The following ZNF652 variants were observed in gnomAD, a reference collection of about 807,000 sequenced individuals.
ZNF652 encodes the protein zinc finger protein 652.
Under a neutral mutation model 45.2 loss-of-function variants are expected in ZNF652, and 16 were observed. That is an observed-to-expected ratio of 0.35 (90% CI 0.24 to 0.54). The LOEUF (loss-of-function observed/expected upper bound fraction) is 0.54. Ranked by LOEUF, ZNF652 falls within the 20% of genes least tolerant of loss-of-function variation. ZNF652 has a pLI of 0.91. For missense variants in ZNF652, 614 were observed against 765.6 expected (o/e 0.80, Z 2.34); for synonymous variants, 250 against 260.6 (o/e 0.96, Z 0.39).
At chr17:49,307,808 T>C (rs533362193) in intron 5 of ZNF652, among the ~76,000 whole-genome samples, 1 of 152,206 alleles carries the variant, frequency 6.6e-6, no homozygotes, top group East Asian at 1.9e-4. Context: ...GTTGCAAAGG[T>C]TACATTAATT....
At chr17:49,321,422 C>CTT (rs11350404) in intron 1 of ZNF652, among the ~76,000 whole-genome samples, 1,060 of 73,262 alleles carry the variant, frequency 0.014, 43 homozygotes, top group South Asian at 0.029. Context: ...CACCACCACG[C>CTT]TTTTTTTTTT....
At chr17:49,311,789 G>A (rs1464858140) in intron 4 of ZNF652, 138 bp downstream of exon 4, 4 of 678,494 alleles carry the variant, frequency 5.9e-6, no homozygotes, top group Non-Finnish European at 1.0e-5. Context: ...AGCGCACACA[G>A]AGCTCAGAAC....
rs2069492016 is a variant in ZNF652, at chr17:49,297,507, T to C, written c.*906A>G. Reference sequence around the variant, plus strand: ...CAGAACATGGAGGACAGGAGCACATTAGGGAGCCTCTCTTGAGTGTTAAGC... The same window carrying C: ...CAGAACATGGAGGACAGGAGCACATCAGGGAGCCTCTCTTGAGTGTTAAGC... On this transcript the variant is annotated 3_prime_UTR_variant, in exon 6 of 6. Transcript: ENST00000430262. 2 of 152,494 alleles carry C rather than the reference T, an allele frequency of 1.3e-5. No homozygotes were observed. Among genetic ancestry groups the C allele is most frequent in the African/African-American group, 4.8e-5 (2 of 41,434 alleles). The allele number at this position is 152,494 out of a possible 1,614,324, so 9.4% of individuals were successfully genotyped here. A position where few individuals can be genotyped will look rare whatever the true frequency, so the allele number is the denominator to read the frequency against.
At chr17:49,310,681 C>A (rs1294517972) in intron 5 of ZNF652, among the ~76,000 whole-genome samples, 2 of 152,136 alleles carry the variant, frequency 1.3e-5, no homozygotes, top group Non-Finnish European at 2.9e-5. Context: ...GCAGGCAGAT[C>A]GCTTGAGCCC....
intron 2 of ZNF652, among the ~76,000 whole-genome samples, chr17:49,315,179 TTA>T (rs1393850023): frequency 6.6e-6 from 1 of 151,848 alleles, no homozygotes; most frequent in Non-Finnish European, 1.5e-5. Flanking sequence ...GTAGCTGGGA[TTA>T]CAGGCATGTG....
At chr17:49,348,943 T>C (rs772809806) in intron 1 of ZNF652, among the ~76,000 whole-genome samples, 2 of 152,166 alleles carry the variant, frequency 1.3e-5, no homozygotes, top group Non-Finnish European at 2.9e-5. Flanking sequence ...AGTGGTATGC[T>C]TCTGAATGAA....
chr17:49,304,068 T>TTTTTTA (rs1555625478), intron 5 of ZNF652, among the ~76,000 whole-genome samples: 27 of 144,662 alleles, frequency 1.9e-4, no homozygotes, highest in East Asian at 8.1e-4. Flanking sequence ...TTTTTTTTTT[T>TTTTTTA]TTTTTGTATT....
intron 5 of ZNF652, among the ~76,000 whole-genome samples, chr17:49,308,904 A>C (rs2069669280): frequency 6.6e-6 from 1 of 152,150 alleles, no homozygotes; most frequent in South Asian, 2.1e-4. Context: ...AAAGACGAAT[A>C]CTCAACATAA....
intron 5 of ZNF652, among the ~76,000 whole-genome samples, chr17:49,306,382 C>T (rs1483393086): frequency 2.0e-5 from 3 of 152,176 alleles, no homozygotes; most frequent in Non-Finnish European, 4.4e-5. Context: ...TCATTTCTCA[C>T]CTATCAAATC....
At chr17:49,309,618 A>G (rs942027006) in intron 5 of ZNF652, among the ~76,000 whole-genome samples, 1 of 152,130 alleles carries the variant, frequency 6.6e-6, no homozygotes, top group African/African-American at 2.4e-5. Context: ...TAAAAATGAC[A>G]CTAGAACTAA....
intron 1 of ZNF652, among the ~76,000 whole-genome samples, chr17:49,335,235 A>G (rs1210735943): frequency 2.6e-5 from 4 of 152,210 alleles, no homozygotes; most frequent in Non-Finnish European, 5.9e-5. Context: ...GTATAAAATG[A>G]TATTATTGAT....
intron 1 of ZNF652, among the ~76,000 whole-genome samples, chr17:49,338,052 A>G (rs990699487): frequency 9.9e-5 from 15 of 151,950 alleles, no homozygotes; most frequent in African/African-American, 3.6e-4. Context: ...CAGTGGCGCG[A>G]TCATGACTCA....
rs1345857851 is a variant in ZNF652 at position 49,294,156 on chromosome 17, T to C, written c.*4257A>G. 6.6e-6 allele frequency among the ~76,000 whole-genome samples: 1 copy of C among 152,074 alleles called. No individual in the cohort carries two copies. Among genetic ancestry groups the C allele is most frequent in the Non-Finnish European group, 1.5e-5 (1 of 67,988 alleles). ...ATATCTATTCAACAATCATAAAAACTGAAAAAAATTTCAAGAATTAAAAAA... is the reference window on the plus strand; with the variant it reads ...ATATCTATTCAACAATCATAAAAACCGAAAAAAATTTCAAGAATTAAAAAA... On this transcript the variant is annotated 3_prime_UTR_variant, in exon 6 of 6. Transcript: ENST00000430262.
intron 3 of ZNF652, among the ~76,000 whole-genome samples, chr17:49,312,323 G>A (rs1315740301): frequency 2.0e-5 from 3 of 151,776 alleles, no homozygotes; most frequent in Admixed American, 2.0e-4. Context: ...GCGCCACCAC[G>A]CCCAGCTAAT....
intron 1 of ZNF652, among the ~76,000 whole-genome samples, chr17:49,343,553 G>A (rs1396984933): frequency 6.6e-6 from 1 of 151,796 alleles, no homozygotes; most frequent in African/African-American, 2.4e-5. Context: ...TTAATCTAAA[G>A]GAAACCACAG....
In ZNF652 at chr17:49,318,222, C is replaced by T. The variant is rs1014138552; in HGVS notation, c.-258-239G>A. Among the ~76,000 whole-genome samples, 5 of 152,106 alleles carry T rather than the reference C, an allele frequency of 3.3e-5. No individual in the cohort carries two copies. The East Asian group carries it at 5.8e-4, about 18-fold the overall frequency. The stretch of plus-strand genomic sequence containing the variant: ...CCTCCCGAGTAGCTGGGATTACAGG[C>T]GCCCGCCACCACACCTGGCTAATTT... On this transcript the variant is annotated intron_variant, in intron 1 of 5. Transcript: ENST00000430262.
Position 49,289,428 on chromosome 17 carries a change from G to C in ZNF652, c.*8985C>G, listed in dbSNP as rs911191996. On this transcript the variant is annotated 3_prime_UTR_variant, in exon 6 of 6. Coordinates refer to ENST00000430262, the MANE Select transcript of ZNF652 (RefSeq NM_001145365.3). ...TTATACTTAAAATCATGATTGAGTT[G>C]AAATAAAAAAGTGCATTTCAATTGC... The C allele has an allele frequency of 1.3e-5, 2 of 152,126 alleles. No individual in the cohort carries two copies. Among genetic ancestry groups the C allele is most frequent in the Admixed American group, 1.3e-4 (2 of 15,276 alleles). 9.4% of individuals were successfully genotyped at this position (152,126 alleles called of 1,614,324 possible).
intron 1 of ZNF652, among the ~76,000 whole-genome samples, chr17:49,351,739 T>C (rs570469054): frequency 1.3e-5 from 2 of 152,274 alleles, no homozygotes; most frequent in South Asian, 2.1e-4. Context: ...TCCCAGCACT[T>C]TGGGAGGCTG....
chr17:49,292,626 G>A lies in ZNF652; in HGVS notation c.*5787C>T, dbSNP rs1279194116. The stretch of plus-strand genomic sequence containing the variant: ...ACTCAGGATCCTTTCATCAGAAAGG[G>A]GAGGCATTCAGGAAGACTTCAGTTG... On this transcript the variant is annotated 3_prime_UTR_variant, in exon 6 of 6. Transcript: ENST00000430262. 6.6e-6 allele frequency among the ~76,000 whole-genome samples: 1 copy of A among 152,064 alleles called. No individual in the cohort carries two copies. The highest frequency in any genetic ancestry group is 1.5e-5 in the Non-Finnish European group (1 of 68,040).
Sources: gnomAD v4.1 joint callset for allele counts (sites outside exome capture counted in the v4.1 genomes callset) on GRCh38, gnomAD v4.1.1 for gene constraint, MANE v1.5 for transcripts, NCBI Gene and HGNC (gene_info 2026-07-23, HGNC 2026-07-21) for gene names.